Variants in TRPM3 observed in about 807,000 individuals in gnomAD.
TRPM3 encodes long transient receptor potential channel 3.
A neutral mutation model predicts 181.2 loss-of-function variants in TRPM3; 77 were observed. The observed-to-expected ratio is 0.42, with a 90% confidence interval of 0.35 to 0.51. The LOEUF (loss-of-function observed/expected upper bound fraction) is 0.51. TRPM3 is among the 20% of genes least tolerant of loss of function. TRPM3 has a pLI of 0.01. For synonymous variants in TRPM3, 745 were observed against 796.4 expected (o/e 0.94, Z 1.09); for missense variants, 1,759 against 2,196.7 (o/e 0.80, Z 3.98).
intron 1 of TRPM3, among the ~76,000 whole-genome samples, chr9:71,050,990 T>A (rs1020568300): frequency 6.6e-6 from 1 of 152,230 alleles, no homozygotes; most frequent in Non-Finnish European, 1.5e-5. Context: ...CTCTCCTTCA[T>A]CCCTAAACTT....
chr9:70,680,804 C>T (rs7874138), intron 9 of TRPM3, among the ~76,000 whole-genome samples: 41,710 of 152,084 alleles, frequency 0.27, 5,927 homozygotes, highest in South Asian at 0.33. Context: ...GTGTAATGTA[C>T]TTAGTAAAGC....
At chr9:70,939,444 A>T (rs2096863539) in intron 1 of TRPM3, among the ~76,000 whole-genome samples, 1 of 152,212 alleles carries the variant, frequency 6.6e-6, no homozygotes, top group Admixed American at 6.5e-5. Flanking sequence ...AGTACGGCGA[A>T]TATTAGTCAG....
intron 9 of TRPM3, among the ~76,000 whole-genome samples, chr9:70,674,174 C>A (rs545392548): frequency 6.6e-6 from 1 of 152,070 alleles, no homozygotes; most frequent in Non-Finnish European, 1.5e-5. Flanking sequence ...TTTTTATTAT[C>A]AAAGTTAGGC....
At chr9:71,165,217 C>T (rs530074913) in intron 1 of TRPM3, among the ~76,000 whole-genome samples, 42 of 152,258 alleles carry the variant, frequency 2.8e-4, no homozygotes, top group African/African-American at 9.4e-4. Context: ...GCTGAAATTA[C>T]AACAATAATA....
intron 1 of TRPM3, among the ~76,000 whole-genome samples, chr9:71,007,093 G>GAAAAA (rs71507021): frequency 2.1e-5 from 2 of 94,072 alleles, no homozygotes; most frequent in Admixed American, 1.2e-4. Flanking sequence ...GTCAGGAACA[G>GAAAAA]AAAAAAAAAA....
chr9:70,966,827 A>G (rs2097190265), intron 1 of TRPM3, among the ~76,000 whole-genome samples: 1 of 152,064 alleles, frequency 6.6e-6, no homozygotes. Flanking sequence ...TGTACAACAA[A>G]TCTCCACATC....
intron 1 of TRPM3, among the ~76,000 whole-genome samples, chr9:70,898,614 T>G (rs1564715063): frequency 6.7e-6 from 1 of 149,556 alleles, no homozygotes; most frequent in Non-Finnish European, 1.5e-5. Flanking sequence ...CAGGCATGTT[T>G]GTGCGTGCCT....
At chr9:71,007,080 T>A (rs1216878728) in intron 1 of TRPM3, among the ~76,000 whole-genome samples, 207 of 52,100 alleles carry the variant, frequency 4.0e-3, no homozygotes, top group Admixed American at 5.4e-3. Context: ...AAAAAAAGAC[T>A]AAGTCAGGAA....
chr9:71,059,011 ATTTTTTTTTTTTTT>A (rs1162577364), intron 1 of TRPM3, among the ~76,000 whole-genome samples: 4 of 52,642 alleles, frequency 7.6e-5, no homozygotes, highest in Middle Eastern at 0.029. Flanking sequence ...TTGTTTGTTC[ATTTTTTTTTTTTTT>A]TTTTTTTTTT....
At chr9:71,307,198 C>T (rs180680173) in intron 1 of TRPM3, among the ~76,000 whole-genome samples, 19 of 152,200 alleles carry the variant, frequency 1.2e-4, no homozygotes, top group Admixed American at 5.9e-4. Flanking sequence ...TGTGACCTGA[C>T]GATACATATG....
At chr9:70,898,191 C>A (rs2096312308) in intron 1 of TRPM3, among the ~76,000 whole-genome samples, 1 of 151,186 alleles carries the variant, frequency 6.6e-6, no homozygotes, top group South Asian at 2.1e-4. Flanking sequence ...GGCGCGATCT[C>A]GGCTCACTGC....
intron 22 of TRPM3, among the ~76,000 whole-genome samples, chr9:70,558,623 A>G (rs13290090): frequency 6.6e-6 from 1 of 152,192 alleles, no homozygotes; most frequent in South Asian, 2.1e-4. Context: ...AACTAATGAC[A>G]CAGATTAGAC....
At chr9:70,670,148 G>C (rs2062644564) in intron 9 of TRPM3, among the ~76,000 whole-genome samples, 1 of 152,112 alleles carries the variant, frequency 6.6e-6, no homozygotes. Context: ...GGAAATTTCT[G>C]TTGGAAGATG....
chr9:71,317,397 G>T (rs544006030), intron 1 of TRPM3, among the ~76,000 whole-genome samples: 121 of 152,274 alleles, frequency 7.9e-4, no homozygotes, highest in Admixed American at 1.3e-3. Context: ...ACTTTGGGAG[G>T]CTGAGGCTGA....
At chr9:70,935,223 T>G (rs2133464023) in intron 1 of TRPM3, among the ~76,000 whole-genome samples, 1 of 152,260 alleles carries the variant, frequency 6.6e-6, no homozygotes, top group South Asian at 2.1e-4. Flanking sequence ...CCCTGAAATT[T>G]TTGAATCATG....
chr9:71,374,659 C>T (rs553119135), intron 1 of TRPM3, among the ~76,000 whole-genome samples: 2 of 152,244 alleles, frequency 1.3e-5, no homozygotes, highest in Non-Finnish European at 2.9e-5. Context: ...GTCAAATTGT[C>T]ATTGTTTGCA....
intron 1 of TRPM3, among the ~76,000 whole-genome samples, chr9:71,236,529 C>T (rs892393180): frequency 1.6e-4 from 25 of 152,202 alleles, no homozygotes; most frequent in African/African-American, 5.3e-4. Context: ...AAGAAAGGTA[C>T]TTTACTATGC....
At chr9:71,064,974 G>A (rs1313458786) in intron 1 of TRPM3, among the ~76,000 whole-genome samples, 4 of 152,130 alleles carry the variant, frequency 2.6e-5, no homozygotes, top group Admixed American at 2.6e-4. Flanking sequence ...ACATTAGGAG[G>A]AGGCACATTG....
At chr9:71,172,312 G>C (rs2076907165) in intron 1 of TRPM3, among the ~76,000 whole-genome samples, 4 of 152,110 alleles carry the variant, frequency 2.6e-5, no homozygotes, top group Non-Finnish European at 5.9e-5. Flanking sequence ...TCCTGATAGA[G>C]GAACTTGTTA....
Sources: allele counts gnomAD v4.1 joint callset (sites outside exome capture counted in the v4.1 genomes callset), GRCh38; gene constraint gnomAD v4.1.1; transcripts MANE v1.5; gene names NCBI Gene and HGNC (gene_info 2026-07-23, HGNC 2026-07-21).